ADARB2: variants seen among roughly 807,000 people sequenced by gnomAD.
The protein encoded by ADARB2 is inactive double-stranded RNA-specific editase B2.
ADARB2 carries 25 observed loss-of-function variants against 62.2 expected under a neutral mutation model. That is an observed-to-expected ratio of 0.40 (90% CI 0.29 to 0.56). ADARB2 has a LOEUF of 0.56. Among genes scored for constraint, ADARB2 ranks in the 20% least tolerant of loss-of-function variants. The pLI is 0.43. For missense variants in ADARB2, 1,071 were observed against 1,077.4 expected (o/e 0.99, Z 0.08); for synonymous variants, 572 against 500.8 (o/e 1.14, Z -1.90).
rs372713308 is a variant in ADARB2 at position 1,269,184 on chromosome 10, T to C, written c.1192+1771A>G. Reference sequence around the variant, plus strand: ...TAATTTAACCTGAGTTATTCAGAAATCTGTAGCAGAAATCTGTGTAACACT... The same window carrying C: ...TAATTTAACCTGAGTTATTCAGAAACCTGTAGCAGAAATCTGTGTAACACT... On this transcript the variant is annotated intron_variant, in intron 4 of 9. Transcript: ENST00000381312. Among the ~76,000 whole-genome samples, 383 of 151,346 alleles carry C rather than the reference T, an allele frequency of 2.5e-3. 2 individuals are homozygous for C. Among genetic ancestry groups the C allele is most frequent in the African/African-American group, 8.9e-3 (366 of 41,256 alleles).
At chr10:1,658,296 C>A (rs543303852) in intron 1 of ADARB2, among the ~76,000 whole-genome samples, 2 of 150,202 alleles carry the variant, frequency 1.3e-5, no homozygotes, top group South Asian at 4.2e-4. Flanking sequence ...CTCTATGTAG[C>A]TCTTCTGTCT....
At chr10:1,480,720 T>C (rs1404898390) in intron 1 of ADARB2, among the ~76,000 whole-genome samples, 1 of 152,062 alleles carries the variant, frequency 6.6e-6, no homozygotes, top group East Asian at 1.9e-4. Flanking sequence ...AAAAGTTCCA[T>C]TTATGGTCTC....
At chr10:1,540,092 C>T (rs1194597447) in intron 1 of ADARB2, among the ~76,000 whole-genome samples, 6 of 152,126 alleles carry the variant, frequency 3.9e-5, no homozygotes, top group African/African-American at 1.4e-4. Flanking sequence ...CGTGGCAGCT[C>T]TGACTTGTTT....
At chr10:1,550,389 C>T (rs933393170) in intron 1 of ADARB2, among the ~76,000 whole-genome samples, 20 of 152,212 alleles carry the variant, frequency 1.3e-4, no homozygotes, top group African/African-American at 4.8e-4. Flanking sequence ...TGAGAAAGCT[C>T]ATTCTTTGGA....
At chr10:1,548,895 G>A (rs928007525) in intron 1 of ADARB2, among the ~76,000 whole-genome samples, 11 of 152,212 alleles carry the variant, frequency 7.2e-5, no homozygotes, top group African/African-American at 2.7e-4. Context: ...TGGCCAGAGT[G>A]TGAGGGGCCG....
At chr10:1,423,863 G>C (rs1832871787) in intron 1 of ADARB2, among the ~76,000 whole-genome samples, 1 of 150,322 alleles carries the variant, frequency 6.7e-6, no homozygotes, top group Non-Finnish European at 1.5e-5. Context: ...TATGTATGCA[G>C]TAAGACCACT....
At chr10:1,391,912 C>T (rs1832574641) in intron 1 of ADARB2, among the ~76,000 whole-genome samples, 2 of 151,528 alleles carry the variant, frequency 1.3e-5, no homozygotes, top group South Asian at 4.2e-4. Context: ...ATAGCTGGTG[C>T]CCACCACCAT....
intron 1 of ADARB2, among the ~76,000 whole-genome samples, chr10:1,517,330 T>G (rs1489992596): frequency 6.6e-6 from 1 of 152,228 alleles, no homozygotes; most frequent in Admixed American, 6.5e-5. Context: ...CTTCTTTATA[T>G]TCTCACTAAA....
intron 1 of ADARB2, among the ~76,000 whole-genome samples, chr10:1,678,890 C>T (rs1453010767): frequency 2.0e-5 from 3 of 152,124 alleles, no homozygotes; most frequent in Admixed American, 1.3e-4. Flanking sequence ...CCAGGTAAGA[C>T]ATGTCCTAGC....
chr10:1,386,775 A>C (rs1240243805), intron 1 of ADARB2, among the ~76,000 whole-genome samples: 1 of 151,966 alleles, frequency 6.6e-6, no homozygotes, highest in Non-Finnish European at 1.5e-5. Flanking sequence ...GTATAGAACA[A>C]AAAATTAGAA....
At chr10:1,519,898 A>G (rs1469212733) in intron 1 of ADARB2, among the ~76,000 whole-genome samples, 1 of 152,202 alleles carries the variant, frequency 6.6e-6, no homozygotes, top group Non-Finnish European at 1.5e-5. Context: ...AGAGTATTCA[A>G]ATAATTGCCA....
At chr10:1,486,661 A>AGCAGGG in intron 1 of ADARB2, among the ~76,000 whole-genome samples, 1 of 152,238 alleles carries the variant, frequency 6.6e-6, no homozygotes, top group Non-Finnish European at 1.5e-5. Context: ...CTCAAGAAAA[A>AGCAGGG]GCAGGGGTGC....
intron 3 of ADARB2, among the ~76,000 whole-genome samples, chr10:1,275,406 A>G (rs1831305692): frequency 6.6e-6 from 1 of 152,234 alleles, no homozygotes; most frequent in Admixed American, 6.5e-5. Flanking sequence ...TCAGTCCTGC[A>G]GGGCGGCTCC....
At chr10:1,299,567 C>A (rs1315368553) in intron 3 of ADARB2, among the ~76,000 whole-genome samples, 1 of 152,224 alleles carries the variant, frequency 6.6e-6, no homozygotes, top group East Asian at 1.9e-4. Flanking sequence ...GTGTGAGATT[C>A]TCAGCCCTGA....
intron 1 of ADARB2, among the ~76,000 whole-genome samples, chr10:1,709,781 T>TC (rs928255612): frequency 2.0e-4 from 31 of 152,160 alleles, no homozygotes; most frequent in Admixed American, 2.0e-3. Flanking sequence ...AACACACCCC[T>TC]CTCCTTCCCT....
intron 1 of ADARB2, among the ~76,000 whole-genome samples, chr10:1,718,250 C>CT (rs1033442378): frequency 6.6e-6 from 1 of 152,262 alleles, no homozygotes; most frequent in Admixed American, 6.5e-5. Context: ...TTTGGTCGTA[C>CT]TTTTTTGATT....
intron 1 of ADARB2, among the ~76,000 whole-genome samples, chr10:1,454,028 T>C (rs747253282): frequency 1.3e-5 from 2 of 152,230 alleles, no homozygotes; most frequent in Non-Finnish European, 2.9e-5. Flanking sequence ...TACTTGAGAC[T>C]GGGTAATTTA....
At chr10:1,585,922 T>A (rs957375773) in intron 1 of ADARB2, among the ~76,000 whole-genome samples, 2 of 152,102 alleles carry the variant, frequency 1.3e-5, no homozygotes, top group African/African-American at 4.8e-5. Flanking sequence ...TAGTCCCAGC[T>A]ACTTGGGAGG....
intron 1 of ADARB2, among the ~76,000 whole-genome samples, chr10:1,392,877 C>G (rs1472300723): frequency 6.6e-6 from 1 of 152,166 alleles, no homozygotes; most frequent in Non-Finnish European, 1.5e-5. Flanking sequence ...AGAATTCATG[C>G]TGAAGTCTAA....
Sources: allele counts gnomAD v4.1 joint callset (sites outside exome capture counted in the v4.1 genomes callset), GRCh38; gene constraint gnomAD v4.1.1; transcripts MANE v1.5; gene names NCBI Gene and HGNC (gene_info 2026-07-23, HGNC 2026-07-21).